FBXO4: variants seen among roughly 807,000 people sequenced by gnomAD.
The protein encoded by FBXO4 is F-box protein 4, also known as F-box only protein 4.
FBXO4 carries 36 observed loss-of-function variants against 43.7 expected under a neutral mutation model. The observed-to-expected ratio is 0.82, with a 90% CI of 0.63 to 1.09. The LOEUF is 1.09. Ranked by LOEUF, FBXO4 falls within the 50% of genes least tolerant of loss-of-function variation. The pLI, the probability that FBXO4 is intolerant of heterozygous loss-of-function variation, is 0.00. For missense variants in FBXO4, 435 were observed against 474.1 expected (o/e 0.92, Z 0.77); for synonymous variants, 180 against 165.6 (o/e 1.09, Z -0.67).
At chr5:42,028,850 G>A in the FBXO4 span, among the ~76,000 whole-genome samples, 17 of 151,398 alleles carry the variant, frequency 1.1e-4, no homozygotes, top group East Asian at 2.9e-3. Flanking sequence ...TTTGTCTCCC[G>A]CTTTTTACCT....
At chr5:42,039,036 A>C in the FBXO4 span, among the ~76,000 whole-genome samples, 1 of 152,228 alleles carries the variant, frequency 6.6e-6, no homozygotes, top group African/African-American at 2.4e-5. Flanking sequence ...CCATAGTTAC[A>C]TATTATTCCC....
the FBXO4 span, among the ~76,000 whole-genome samples, chr5:42,032,181 T>C: frequency 1.3e-5 from 2 of 151,808 alleles, no homozygotes; most frequent in South Asian, 2.1e-4. Context: ...GGATCAGACC[T>C]GAAGCCAGCA....
chr5:42,032,590 G>A, the FBXO4 span, among the ~76,000 whole-genome samples: 1 of 152,268 alleles, frequency 6.6e-6, no homozygotes, highest in African/African-American at 2.4e-5. Flanking sequence ...TCAGCTTATG[G>A]TGAATGCTGC....
At chr5:42,034,121 T>C in the FBXO4 span, among the ~76,000 whole-genome samples, 1 of 150,818 alleles carries the variant, frequency 6.6e-6, no homozygotes, top group Admixed American at 6.6e-5. Context: ...TCAGTGATGT[T>C]AAGCTTTTTT....
the FBXO4 span, among the ~76,000 whole-genome samples, chr5:41,972,169 T>C: frequency 6.6e-6 from 1 of 152,246 alleles, no homozygotes; most frequent in South Asian, 2.1e-4. Flanking sequence ...ACAGAAGATA[T>C]ATAATTCTAT....
chr5:41,938,092 A>T (rs1751898254), intron 5 of FBXO4, among the ~76,000 whole-genome samples: 1 of 152,204 alleles, frequency 6.6e-6, no homozygotes, highest in South Asian at 2.1e-4. Context: ...ACTGAAAAAG[A>T]TGAAGACTCC....
chr5:41,954,241 A>G, the FBXO4 span, among the ~76,000 whole-genome samples: 3 of 152,220 alleles, frequency 2.0e-5, no homozygotes, highest in Non-Finnish European at 4.4e-5. Context: ...GGAAATATTT[A>G]AAACTTACAT....
chr5:42,016,061 G>A, the FBXO4 span, among the ~76,000 whole-genome samples: 2 of 152,052 alleles, frequency 1.3e-5, no homozygotes, highest in South Asian at 4.1e-4. Context: ...TTAACATTGG[G>A]AAGCACAAAG....
the FBXO4 span, among the ~76,000 whole-genome samples, chr5:41,964,723 T>A: frequency 3.3e-5 from 5 of 152,182 alleles, no homozygotes; most frequent in South Asian, 1.0e-3. Flanking sequence ...CACTTGTTGA[T>A]GGGGTTGTTT....
At chr5:41,973,521 A>G in the FBXO4 span, among the ~76,000 whole-genome samples, 1 of 152,154 alleles carries the variant, frequency 6.6e-6, no homozygotes, top group Non-Finnish European at 1.5e-5. Context: ...TACAAAAAAT[A>G]ATAAAAAAAA....
chr5:41,939,284 C>T, intron 5 of FBXO4, 157 bp from the exon 6 acceptor site: 1 of 557,056 alleles, frequency 1.8e-6, no homozygotes, highest in Non-Finnish European at 3.0e-6. Flanking sequence ...TGCTTTTAAA[C>T]TGTGGAGACA....
the FBXO4 span, among the ~76,000 whole-genome samples, chr5:41,958,121 CTGT>C: frequency 1.3e-5 from 2 of 148,798 alleles, no homozygotes; most frequent in African/African-American, 5.0e-5. Flanking sequence ...TAAATCTAGT[CTGT>C]TAACAAATTT....
At chr5:41,948,475 T>A in the FBXO4 span, among the ~76,000 whole-genome samples, 23 of 152,286 alleles carry the variant, frequency 1.5e-4, no homozygotes, top group Middle Eastern at 3.4e-3. Context: ...ATCCAGGGAA[T>A]GTAATATATT....
chr5:41,926,504 C>T (rs1456117232), intron 1 of FBXO4, among the ~76,000 whole-genome samples: 2 of 152,106 alleles, frequency 1.3e-5, no homozygotes, highest in African/African-American at 2.4e-5. Flanking sequence ...ACCTGGGAGA[C>T]GGAGCTTGCA....
chr5:41,962,434 G>T, the FBXO4 span, among the ~76,000 whole-genome samples: 5 of 152,250 alleles, frequency 3.3e-5, no homozygotes, highest in Middle Eastern at 6.8e-3. Flanking sequence ...TCAGGTTTTT[G>T]TGTTGCCTGA....
the FBXO4 span, among the ~76,000 whole-genome samples, chr5:41,952,739 TGTTTTA>T: frequency 1.3e-5 from 2 of 152,188 alleles, no homozygotes; most frequent in Non-Finnish European, 2.9e-5. Flanking sequence ...ATTTTATCTG[TGTTTTA>T]GTTTAAGTAT....
At chr5:41,968,001 A>ACC in the FBXO4 span, 9 of 437,148 alleles carry the variant, frequency 2.1e-5, no homozygotes, top group Admixed American at 5.4e-5. Flanking sequence ...CTTTGTTGCC[A>ACC]GAGGCCACCT....
intron 5 of FBXO4, among the ~76,000 whole-genome samples, chr5:41,938,707 G>A (rs2112585973): frequency 6.6e-6 from 1 of 152,266 alleles, no homozygotes; most frequent in East Asian, 1.9e-4. Flanking sequence ...GAGGCTCTGG[G>A]AAAGAATTTG....
At chr5:41,945,669 T>G (rs1752067482), downstream of FBXO4, among the ~76,000 whole-genome samples, 1 of 152,180 alleles carries the variant, frequency 6.6e-6, no homozygotes, top group Non-Finnish European at 1.5e-5. Flanking sequence ...GCGACCCTTA[T>G]GGAGAGCCTA....
Sources: allele counts gnomAD v4.1 joint callset (sites outside exome capture counted in the v4.1 genomes callset), GRCh38; gene constraint gnomAD v4.1.1; transcripts MANE v1.5; gene names NCBI Gene and HGNC (gene_info 2026-07-23, HGNC 2026-07-21).